Variants in LZTS1 observed in about 807,000 individuals in gnomAD.
LZTS1 encodes the protein leucine zipper putative tumor suppressor 1.
Under a neutral mutation model 45.8 loss-of-function variants are expected in LZTS1, and 31 were observed. The ratio of observed to expected loss-of-function variants is 0.68; its 90% CI spans 0.51 to 0.91. The LOEUF is 0.91. Ranked by LOEUF, LZTS1 falls within the 40% of genes least tolerant of loss-of-function variation. The probability of loss-of-function intolerance (pLI) is 0.00; values close to 1 mark genes in which losing one functional copy is unlikely to be tolerated. For synonymous variants in LZTS1, 359 were observed against 357.3 expected, an observed-to-expected ratio of 1.00 and a Z score of -0.05; for missense variants, 821 against 788.9, an observed-to-expected ratio of 1.04 and a Z score of -0.49.
At chr8:20,268,352 A>T (rs1361203133) in intron 1 of LZTS1, among the ~76,000 whole-genome samples, 2 of 151,510 alleles carry the variant, frequency 1.3e-5, no homozygotes, top group Admixed American at 6.6e-5. Context: ...CTGGGGCTGA[A>T]TGGGGCACGT....
chr8:20,253,622 C>T (rs1302415043), intron 2 of LZTS1, 37 bp from the exon 3 acceptor site: 1 of 1,408,474 alleles, frequency 7.1e-7, no homozygotes, highest in Non-Finnish European at 9.3e-7. Context: ...TCATGCCTCC[C>T]CTGCGCGCGC....
chr8:20,253,237 A>G lies in LZTS1; in HGVS notation c.694T>C (p.Phe232Leu), dbSNP rs1799992478. 1 of 1,614,044 alleles carries G rather than the reference A, an allele frequency of 6.2e-7. No homozygotes were observed. The highest frequency in any genetic ancestry group is 1.1e-5 in the South Asian group (1 of 91,090). The change falls in exon 3 of 4, where the codon TTC (phenylalanine) becomes CTC (leucine). Residue 232 changes from phenylalanine (F) to leucine (L), a missense_variant. By Grantham distance (22) the Phe-to-Leu change is conservative. Coordinates refer to ENST00000381569, the MANE Select transcript of LZTS1 (RefSeq NM_021020.5). ...CCCAGCTTGCTACCTCCGTCGGAGAAGGACAGAGCCTTCAGGCTCATCATG... is the reference window on the plus strand; with the variant it reads ...CCCAGCTTGCTACCTCCGTCGGAGAGGGACAGAGCCTTCAGGCTCATCATG... ...SNMMSLKALS[F>L]SDGGSKLGHS... is the part of the protein sequence containing the mutation.
rs766731232 is a variant in LZTS1, at chr8:20,255,161, G to T, written c.21C>A (p.Leu7=). The T allele has an allele frequency of 7.4e-6, 12 of 1,613,408 alleles. No individual in the cohort carries two copies. Among genetic ancestry groups the T allele is most frequent in the Non-Finnish European group, 9.3e-6 (11 of 1,179,716 alleles). The change falls in exon 2 of 4, where the codon CTC becomes CTA. Residue 7 remains leucine (L), a synonymous_variant. Transcript: ENST00000381569. ...TGCTGTGGAAGCTGTGGCCGGAGATGAGGCTACTGACGCTGCCCATGGTGA... is the reference window on the plus strand; with the variant it reads ...TGCTGTGGAAGCTGTGGCCGGAGATTAGGCTACTGACGCTGCCCATGGTGA... MGSVSS[L]ISGHSFHSKH...
intron 1 of LZTS1, among the ~76,000 whole-genome samples, chr8:20,262,043 G>A (rs1029943951): frequency 1.3e-5 from 2 of 152,218 alleles, no homozygotes; most frequent in African/African-American, 4.8e-5. Context: ...GTGAGCTCAC[G>A]GCTGTGCTGT....
intron 1 of LZTS1, among the ~76,000 whole-genome samples, chr8:20,273,776 T>TA (rs200260343): frequency 0.019 from 2,802 of 149,862 alleles, 37 homozygotes; most frequent in Non-Finnish European, 0.021. Context: ...CCTGTTATAT[T>TA]TGTTTTTTTT....
At chr8:20,291,689 C>T (rs1300649638) in intron 1 of LZTS1, among the ~76,000 whole-genome samples, 1 of 149,018 alleles carries the variant, frequency 6.7e-6, no homozygotes, top group Non-Finnish European at 1.5e-5. Flanking sequence ...TCCATGCTGA[C>T]TTTTCTTCAC....
rs1253425550 is a variant in LZTS1, at chr8:20,247,870, A to G, written c.*1852T>C. 2.6e-5 allele frequency: 4 copies of G among 152,850 alleles called. No individual in the cohort carries two copies. The highest frequency in any genetic ancestry group is 2.1e-4 in the South Asian group (1 of 4,838). The allele number at this position is 152,850 out of a possible 1,614,324, so 9.5% of individuals were successfully genotyped here. A position where few individuals can be genotyped will look rare whatever the true frequency, so the allele number is the denominator to read the frequency against. ...CAAGTTCCCAGACGCTCCCCTCCTC[A>G]TCTCAGCAGGCAGCAGGCGCAGGCA... On this transcript the variant is annotated 3_prime_UTR_variant, in exon 4 of 4. Coordinates refer to ENST00000381569, the MANE Select transcript of LZTS1 (RefSeq NM_021020.5).
intron 1 of LZTS1, among the ~76,000 whole-genome samples, chr8:20,256,289 G>C (rs1051949256): frequency 1.3e-5 from 2 of 152,108 alleles, no homozygotes; most frequent in Admixed American, 1.3e-4. Flanking sequence ...GCAGACATCA[G>C]AGAACAAGGA....
chr8:20,252,721 G>T (rs1799961271), intron 3 of LZTS1, 61 bp downstream of exon 3: 1 of 1,418,434 alleles, frequency 7.1e-7, no homozygotes. Flanking sequence ...ACCAGAAGGA[G>T]AGGGGGGTAC....
intron 1 of LZTS1, among the ~76,000 whole-genome samples, chr8:20,266,018 T>C (rs1800346567): frequency 6.6e-6 from 1 of 151,532 alleles, no homozygotes; most frequent in African/African-American, 2.4e-5. Flanking sequence ...TAATAGATGC[T>C]CAACAATTTT....
At position 20,253,490 on chromosome 8, in the gene LZTS1, G is replaced by T; in HGVS notation, c.441C>A (p.His147Gln). 6.3e-7 allele frequency: 1 copy of T among 1,595,248 alleles called. No homozygotes were observed. Residue 147 changes from histidine to glutamine, a missense_variant, in exon 3 of 4, where the codon CAC becomes CAA. Transcript: ENST00000381569. ...ILHSSPESAS[H>Q]QLHPAPPDKP... ...TGTCTGGAGGGGCGGGGTGCAGCTG[G>T]TGGCTGGCACTCTCCGGGGAGGAGT...
At chr8:20,300,623 C>A (rs981423075) in intron 1 of LZTS1, among the ~76,000 whole-genome samples, 1 of 152,122 alleles carries the variant, frequency 6.6e-6, no homozygotes, top group Non-Finnish European at 1.5e-5. Context: ...TGAGCCACAG[C>A]GCCCCGCCGC....
chr8:20,281,321 A>C (rs530820880), intron 1 of LZTS1, among the ~76,000 whole-genome samples: 86 of 151,424 alleles, frequency 5.7e-4, no homozygotes, highest in African/African-American at 2.0e-3. Flanking sequence ...GCACTTTGGG[A>C]GGCTGAGGTG....
chr8:20,300,533 C>A (rs1437679466), intron 1 of LZTS1, among the ~76,000 whole-genome samples: 1 of 151,946 alleles, frequency 6.6e-6, no homozygotes, highest in African/African-American at 2.4e-5. Flanking sequence ...GGTGTTTCAC[C>A]GTGTTAGCCA....
intron 1 of LZTS1, among the ~76,000 whole-genome samples, chr8:20,257,481 G>A (rs551216925): frequency 9.9e-5 from 15 of 152,248 alleles, no homozygotes; most frequent in African/African-American, 3.6e-4. Flanking sequence ...AATGGTGGAA[G>A]GAAGGCCTCA....
At chr8:20,279,982 A>C (rs1286527723) in intron 1 of LZTS1, among the ~76,000 whole-genome samples, 1 of 151,922 alleles carries the variant, frequency 6.6e-6, no homozygotes, top group Non-Finnish European at 1.5e-5. Context: ...AAAAAAAAAA[A>C]AAAAATTGCT....
At chr8:20,267,108 A>AC (rs1800373925) in intron 1 of LZTS1, among the ~76,000 whole-genome samples, 1 of 55,426 alleles carries the variant, frequency 1.8e-5, no homozygotes, top group Non-Finnish European at 3.4e-5. Flanking sequence ...ACTCCATCTC[A>AC]AAAAAAAAAA....
intron 1 of LZTS1, chr8:20,290,346 G>C (rs1334552137): frequency 6.6e-6 from 1 of 152,160 alleles, no homozygotes; most frequent in African/African-American, 2.4e-5. Flanking sequence ...AGCTGTCTGG[G>C]CCACACCATT....
chr8:20,285,547 C>T (rs1416859234), intron 1 of LZTS1, among the ~76,000 whole-genome samples: 2 of 152,120 alleles, frequency 1.3e-5, no homozygotes, highest in East Asian at 1.9e-4. Context: ...ACACTGAAAA[C>T]TCTAACGTAT....
Sources: gnomAD v4.1 joint callset for allele counts (sites outside exome capture counted in the v4.1 genomes callset) on GRCh38, gnomAD v4.1.1 for gene constraint, MANE v1.5 for transcripts, NCBI Gene and HGNC (gene_info 2026-07-23, HGNC 2026-07-21) for gene names.